ZC3H13: variants seen among roughly 807,000 people sequenced by gnomAD.
ZC3H13 encodes zinc finger CCCH domain-containing protein 13.
In ZC3H13, 64 loss-of-function variants were observed where a neutral mutation model predicts 204.1. That is an observed-to-expected ratio of 0.31 (90% CI 0.26 to 0.39). The LOEUF (loss-of-function observed/expected upper bound fraction) is 0.39. ZC3H13 is among the 10% of genes least tolerant of loss of function. The pLI is 1.00. For missense variants in ZC3H13, 1,833 were observed against 2,082.7 expected (o/e 0.88, Z 2.33); for synonymous variants, 667 against 693.7 (o/e 0.96, Z 0.60).
chr13:46,034,834 G>A (rs1306462948), intron 4 of ZC3H13, among the ~76,000 whole-genome samples: 1 of 152,112 alleles, frequency 6.6e-6, no homozygotes, highest in Non-Finnish European at 1.5e-5. Context: ...AATACTAATA[G>A]TGGGAATGGA....
chr13:45,963,653 C>T, intron 17 of ZC3H13, 189 bp downstream of exon 17: 1 of 1,411,128 alleles, frequency 7.1e-7, no homozygotes, highest in South Asian at 1.6e-5. Context: ...TGTGGGATAA[C>T]TCTTCTTCTC....
intron 8 of ZC3H13, among the ~76,000 whole-genome samples, chr13:45,990,860 G>C (rs1022886959): frequency 1.3e-5 from 2 of 152,208 alleles, no homozygotes; most frequent in African/African-American, 4.8e-5. Context: ...CTACAGTACA[G>C]TGGCATGATC....
chr13:45,994,768 G>T (rs1299879150), intron 8 of ZC3H13, among the ~76,000 whole-genome samples: 1 of 152,150 alleles, frequency 6.6e-6, no homozygotes, highest in Admixed American at 6.5e-5. Flanking sequence ...TTTCTGCTGG[G>T]GATAGGGTAG....
chr13:46,025,253 TCTC>T (rs527637649), intron 4 of ZC3H13, among the ~76,000 whole-genome samples: 44 of 152,190 alleles, frequency 2.9e-4, no homozygotes, highest in Non-Finnish European at 5.6e-4. Context: ...TTTGTTTTCT[TCTC>T]CTATCATCCA....
At chr13:45,959,385 T>G (rs1028024021) in intron 18 of ZC3H13, 98 bp downstream of exon 18, 1 of 1,259,186 alleles carries the variant, frequency 7.9e-7, no homozygotes, top group Non-Finnish European at 1.0e-6. Context: ...ACCAAACTCA[T>G]AAAAACATAA....
chr13:45,995,588 T>G (rs147610390), intron 8 of ZC3H13, among the ~76,000 whole-genome samples: 102 of 152,318 alleles, frequency 6.7e-4, no homozygotes, highest in African/African-American at 2.4e-3. Context: ...ACACCCCACA[T>G]TATTCTACTT....
intron 4 of ZC3H13, among the ~76,000 whole-genome samples, chr13:46,041,103 T>C (rs116085298): frequency 3.4e-4 from 51 of 152,172 alleles, no homozygotes; most frequent in African/African-American, 1.2e-3. Context: ...AATAAAAACA[T>C]ATCCATATAC....
intron 4 of ZC3H13, among the ~76,000 whole-genome samples, chr13:46,029,480 G>A (rs1336274254): frequency 6.8e-6 from 1 of 146,704 alleles, no homozygotes; most frequent in African/African-American, 2.5e-5. Context: ...CCAGGCTGGA[G>A]TGCAGTGGCG....
intron 18 of ZC3H13, 88 bp downstream of exon 18, chr13:45,959,395 A>G: frequency 7.7e-7 from 1 of 1,300,592 alleles, no homozygotes; most frequent in South Asian, 1.9e-5. Context: ...TAAAAACATA[A>G]GATTGCAATC....
intron 11 of ZC3H13, among the ~76,000 whole-genome samples, chr13:45,978,342 T>C (rs1953244305): frequency 6.6e-6 from 1 of 152,054 alleles, no homozygotes; most frequent in Non-Finnish European, 1.5e-5. Flanking sequence ...AAAATATTCA[T>C]TAGCCTCCAA....
intron 11 of ZC3H13, among the ~76,000 whole-genome samples, chr13:45,978,595 A>G (rs1953267580): frequency 6.6e-6 from 1 of 152,092 alleles, no homozygotes; most frequent in Non-Finnish European, 1.5e-5. Flanking sequence ...AATATATGTA[A>G]AGCAACTATC....
chr13:45,973,143 A>G (rs1401141705), intron 12 of ZC3H13, among the ~76,000 whole-genome samples: 5 of 152,248 alleles, frequency 3.3e-5, no homozygotes, highest in Non-Finnish European at 7.3e-5. Flanking sequence ...GATGTGTTAT[A>G]TATCAAGAGA....
intron 7 of ZC3H13, 81 bp from the exon 8 acceptor site, chr13:46,003,417 G>A (rs1005905294): frequency 5.7e-5 from 75 of 1,314,218 alleles, no homozygotes; most frequent in Admixed American, 1.5e-4. Context: ...AAACAGCAGC[G>A]TTCCTTTACA....
At chr13:45,989,670 TG>T (rs2039825777) in intron 8 of ZC3H13, among the ~76,000 whole-genome samples, 1 of 152,224 alleles carries the variant, frequency 6.6e-6, no homozygotes, top group Non-Finnish European at 1.5e-5. Context: ...GCCTTCACTG[TG>T]GGCAGCACAA....
chr13:46,047,017 T>C (rs2139219032), intron 1 of ZC3H13, among the ~76,000 whole-genome samples: 1 of 152,320 alleles, frequency 6.6e-6, no homozygotes, highest in Non-Finnish European at 1.5e-5. Flanking sequence ...AAAAGTTTCA[T>C]TTAGTCTCTA....
intron 4 of ZC3H13, among the ~76,000 whole-genome samples, chr13:46,040,526 G>A (rs2043505369): frequency 6.6e-6 from 1 of 151,872 alleles, no homozygotes; most frequent in Non-Finnish European, 1.5e-5. Flanking sequence ...TGTGACCCTG[G>A]ACTAAACAAT....
At chr13:46,006,675 TGAATTCTCA>T (rs1356017190) in intron 7 of ZC3H13, among the ~76,000 whole-genome samples, 2 of 122,168 alleles carry the variant, frequency 1.6e-5, no homozygotes, top group Non-Finnish European at 3.4e-5. Flanking sequence ...CCTATCATGC[TGAATTCTCA>T]GAATTCTCAA....
intron 6 of ZC3H13, 48 bp from the exon 7 acceptor site, chr13:46,010,553 TACA>T (rs1193010878): frequency 1.3e-6 from 2 of 1,566,898 alleles, no homozygotes; most frequent in Admixed American, 1.7e-5. Context: ...CCACTTATGG[TACA>T]ACAAGACTTA....
intron 8 of ZC3H13, among the ~76,000 whole-genome samples, chr13:45,998,845 CAA>C (rs1416201781): frequency 1.3e-5 from 2 of 152,056 alleles, no homozygotes; most frequent in Non-Finnish European, 2.9e-5. Flanking sequence ...TAAAAGAAGA[CAA>C]TGATGAAGTT....
Sources: gnomAD v4.1 joint callset for allele counts (sites outside exome capture counted in the v4.1 genomes callset) on GRCh38, gnomAD v4.1.1 for gene constraint, MANE v1.5 for transcripts, NCBI Gene and HGNC (gene_info 2026-07-23, HGNC 2026-07-21) for gene names.